EXO1: variants seen among roughly 807,000 people sequenced by gnomAD.
EXO1 encodes exonuclease 1.
In EXO1, 69 loss-of-function variants were observed where a neutral mutation model predicts 84.5. The observed-to-expected ratio is 0.82, with a 90% CI of 0.67 to 1.00. EXO1 has a LOEUF of 1.00. Among genes scored for constraint, EXO1 ranks in the 50% least tolerant of loss-of-function variants. The pLI, the probability that EXO1 is intolerant of heterozygous loss-of-function variation, is 0.00. For missense variants in EXO1, 1,045 were observed against 1,000.7 expected (o/e 1.04, Z -0.60); for synonymous variants, 373 against 366.1 (o/e 1.02, Z -0.21).
chr1:241,869,669 A>G (rs1014144486), intron 11 of EXO1, among the ~76,000 whole-genome samples: 1 of 152,138 alleles, frequency 6.6e-6, no homozygotes, highest in Non-Finnish European at 1.5e-5. Context: ...GTTTTTGTGT[A>G]TGTTATATAA....
In EXO1 at chr1:241,873,748, G is replaced by C. The variant is rs376850605; in HGVS notation, c.1514+1470G>C. 2.1e-3 allele frequency among the ~76,000 whole-genome samples: 317 copies of C among 152,188 alleles called. 1 individual carries two copies. The highest frequency in any genetic ancestry group is 7.4e-3 in the African/African-American group (306 of 41,526). ...AGTACAGAGATAAAGGCATGAATAC[G>C]GTGTTTTGAGGGCGTTCAAGGGGCA... On this transcript the variant is annotated intron_variant, in intron 12 of 15. Transcript: ENST00000366548.
chr1:241,875,947 C>G (rs1662380171), intron 12 of EXO1, among the ~76,000 whole-genome samples: 1 of 152,222 alleles, frequency 6.6e-6, no homozygotes. Flanking sequence ...AACAGTTTTT[C>G]TAGCTTGGTT....
chr1:241,889,645 A>G lies in EXO1; in HGVS notation c.*45A>G, dbSNP rs1240738579. The G allele has an allele frequency of 6.2e-7, 1 of 1,601,812 alleles. No homozygotes were observed. Among genetic ancestry groups the G allele is most frequent in the South Asian group, 1.1e-5 (1 of 90,810 alleles). ...TTTTGCCTGCAAGAGAATCTGATCAATTTGAAGTCCCTGTTTGGGAATGAG... is the reference window on the plus strand; with the variant it reads ...TTTTGCCTGCAAGAGAATCTGATCAGTTTGAAGTCCCTGTTTGGGAATGAG... On this transcript the variant is annotated 3_prime_UTR_variant, in exon 16 of 16. Coordinates refer to ENST00000366548, the MANE Select transcript of EXO1 (RefSeq NM_130398.4).
intron 12 of EXO1, among the ~76,000 whole-genome samples, chr1:241,874,230 C>T (rs1479389166): frequency 6.6e-6 from 1 of 152,122 alleles, no homozygotes; most frequent in Non-Finnish European, 1.5e-5. Context: ...GAAACCCCGT[C>T]CTTCCTAAAA....
chr1:241,860,435 T>C, intron 8 of EXO1, 82 bp from the exon 9 acceptor site: 1 of 1,108,480 alleles, frequency 9.0e-7, no homozygotes, highest in Non-Finnish European at 1.4e-6. Flanking sequence ...TCCCTCTTTA[T>C]GAATGTAAAT....
intron 13 of EXO1, among the ~76,000 whole-genome samples, chr1:241,881,168 C>T (rs1303584366): frequency 6.6e-6 from 1 of 152,158 alleles, no homozygotes; most frequent in East Asian, 1.9e-4. Flanking sequence ...GCTGGGACAA[C>T]AGGCATGTGC....
At chr1:241,863,323 C>A (rs778962660) in intron 10 of EXO1, among the ~76,000 whole-genome samples, 12 of 151,262 alleles carry the variant, frequency 7.9e-5, no homozygotes, top group Non-Finnish European at 1.6e-4. Flanking sequence ...AAGCCAAGTT[C>A]TCTACTGTCT....
chr1:241,872,265 G>A lies in EXO1; in HGVS notation c.1501G>A (p.Gly501Arg). 6.2e-7 allele frequency: 1 copy of A among 1,614,000 alleles called. No homozygotes were observed. ...AGAAAGTGGTGCAGTTGTGGTTCCA[G>A]GGACCAGAAGCAGGTATAGTTATGT... ...NEESGAVVVPGTRSRFFCSSD... is the reference protein window; with the variant it reads ...NEESGAVVVPRTRSRFFCSSD... The change falls in exon 12 of 16, where the codon GGG becomes AGG. Residue 501 changes from glycine (G) to arginine (R), a missense_variant. Gly to Arg is a moderately radical substitution (Grantham distance 125). Coordinates refer to ENST00000366548, the MANE Select transcript of EXO1 (RefSeq NM_130398.4).
rs567681802 is a variant in EXO1, at chr1:241,853,398, C to T, written c.322C>T (p.Arg108Cys). The change falls in exon 6 of 16, where the codon CGT (arginine) becomes TGT (cysteine). Residue 108 changes from arginine to cysteine, a missense_variant. Physicochemically the swap from Arg to Cys is radical, Grantham distance 180. Transcript: ENST00000366548. The stretch of plus-strand genomic sequence containing the variant: ...TCTTCTTAAGGGAAAGCAACTTCTT[C>T]GTGAGGGGAAAGTCTCGGAAGCTCG... Reference protein sequence around the residue: ...ANLLKGKQLLREGKVSEAREC... With the variant: ...ANLLKGKQLLCEGKVSEAREC... 47 of 1,613,842 alleles carry T rather than the reference C, an allele frequency of 2.9e-5. 1 individual carries two copies. Among genetic ancestry groups the T allele is most frequent in the East Asian group, 4.5e-5 (2 of 44,886 alleles).
intron 12 of EXO1, among the ~76,000 whole-genome samples, chr1:241,874,345 A>G (rs577408356): frequency 1.3e-4 from 20 of 152,282 alleles, no homozygotes; most frequent in Middle Eastern, 3.4e-3. Flanking sequence ...GCAGTGAACC[A>G]TCATGCCACT....
At chr1:241,881,392 A>C (rs1379101293) in intron 13 of EXO1, among the ~76,000 whole-genome samples, 1 of 152,288 alleles carries the variant, frequency 6.6e-6, no homozygotes, top group South Asian at 2.1e-4. Context: ...CTCTCCATCT[A>C]TAGAGAAGTC....
Position 241,889,507 on chromosome 1 carries a change from A to G in EXO1, c.2448A>G (p.Pro816=), listed in dbSNP as rs1312962540. The G allele has an allele frequency of 1.2e-6, 2 of 1,613,708 alleles. No homozygotes were observed. Among genetic ancestry groups the G allele is most frequent in the Non-Finnish European group, 1.7e-6 (2 of 1,179,578 alleles). ...KLPPCKKPLS[P]VRDNIQLTPE... Reference sequence around the variant, plus strand: ...CTCCTTGTAAGAAACCCCTGTCCCCAGTCAGAGATAACATCCAACTAACTC... The same window carrying G: ...CTCCTTGTAAGAAACCCCTGTCCCCGGTCAGAGATAACATCCAACTAACTC... The change falls in exon 16 of 16, where the codon CCA becomes CCG. Residue 816 remains proline, a synonymous_variant. Transcript: ENST00000366548.
intron 4 of EXO1, among the ~76,000 whole-genome samples, chr1:241,851,464 C>T (rs374374724): frequency 3.5e-4 from 54 of 152,128 alleles, no homozygotes; most frequent in African/African-American, 1.3e-3. Context: ...GCTAAGTTTG[C>T]GTTATGCAAA....
At chr1:241,851,939 C>G (rs1053220982) in intron 4 of EXO1, among the ~76,000 whole-genome samples, 1 of 152,098 alleles carries the variant, frequency 6.6e-6, no homozygotes, top group Non-Finnish European at 1.5e-5. Flanking sequence ...ACTATTCTTT[C>G]AACTTTTCAA....
intron 11 of EXO1, 121 bp from the exon 12 acceptor site, chr1:241,871,911 G>GTT (rs35496250): frequency 0.11 from 56,247 of 509,686 alleles, 723 homozygotes; most frequent in Admixed American, 0.2. Context: ...CTGAGGCATA[G>GTT]TTTTTTTTTT....
intron 8 of EXO1, among the ~76,000 whole-genome samples, 181 bp from the exon 9 acceptor site, chr1:241,860,336 G>T (rs1281087857): frequency 6.6e-6 from 1 of 152,080 alleles, no homozygotes; most frequent in Non-Finnish European, 1.5e-5. Flanking sequence ...GAAAATACTA[G>T]TTATGAGACT....
At position 241,861,486 on chromosome 1, in the gene EXO1, A is replaced by G. The variant is rs770586588; in HGVS notation, c.1025A>G (p.Asn342Ser). 2 of 1,570,600 alleles carry G rather than the reference A, an allele frequency of 1.3e-6. No individual in the cohort carries two copies. The highest frequency in any genetic ancestry group is 4.5e-5 in the East Asian group (2 of 44,692). The change falls in exon 10 of 16, where the codon AAT becomes AGT. Residue 342 changes from asparagine (N) to serine (S), a missense_variant. Physicochemically the swap from Asn to Ser is conservative, Grantham distance 46 (BLOSUM62 1). Coordinates refer to ENST00000366548, the MANE Select transcript of EXO1 (RefSeq NM_130398.4). Reference sequence around the variant, plus strand: ...ACTTTTGAACAGATCGATGACTACAATCCAGACACTGCTATGGTAACGTTT... The same window carrying G: ...ACTTTTGAACAGATCGATGACTACAGTCCAGACACTGCTATGGTAACGTTT... The part of the protein sequence containing the change: ...INTFEQIDDY[N>S]PDTAMPAHSR...
chr1:241,861,380 A>G (rs556253108), intron 9 of EXO1, 26 bp from the exon 10 acceptor site: 11 of 1,136,072 alleles, frequency 9.7e-6, no homozygotes, highest in South Asian at 1.2e-5. Flanking sequence ...TAATAAATAC[A>G]TTTTTCCTTA....
intron 11 of EXO1, among the ~76,000 whole-genome samples, chr1:241,867,280 A>G (rs747633710): frequency 6.6e-6 from 1 of 152,198 alleles, no homozygotes; most frequent in Non-Finnish European, 1.5e-5. Context: ...GAGGCCTCAC[A>G]ATTATGGTGG....
Sources: allele counts gnomAD v4.1 joint callset (sites outside exome capture counted in the v4.1 genomes callset), GRCh38; gene constraint gnomAD v4.1.1; transcripts MANE v1.5; gene names NCBI Gene and HGNC (gene_info 2026-07-23, HGNC 2026-07-21).